Variants in SAMSN1 observed in about 807,000 individuals in gnomAD.
The protein encoded by SAMSN1 is SAM domain-containing protein SAMSN-1.
In SAMSN1, 31 loss-of-function variants were observed where a neutral mutation model predicts 42.0. That is an observed-to-expected ratio of 0.74 (90% confidence interval 0.55 to 1.00). SAMSN1 has a LOEUF of 1.00. SAMSN1 is among the 50% of genes least tolerant of loss of function. SAMSN1 has a pLI of 0.00. For synonymous variants in SAMSN1, 178 were observed against 151.9 expected (o/e 1.17, Z -1.26); for missense variants, 464 against 439.4 (o/e 1.06, Z -0.50).
At chr21:14,527,374 C>G (rs770449720) in intron 1 of SAMSN1, among the ~76,000 whole-genome samples, 1 of 152,142 alleles carries the variant, frequency 6.6e-6, no homozygotes, top group East Asian at 1.9e-4. Flanking sequence ...TCACGTGGTA[C>G]CAGTGGAATA....
intron 3 of SAMSN1, among the ~76,000 whole-genome samples, chr21:14,615,512 A>G (rs1982812750): frequency 1.3e-5 from 2 of 152,266 alleles, no homozygotes; most frequent in South Asian, 4.1e-4. Flanking sequence ...ATTCGTGCTT[A>G]TCAATTAAAA....
upstream of SAMSN1, among the ~76,000 whole-genome samples, chr21:14,584,760 T>A (rs1981865660): frequency 6.6e-6 from 1 of 152,220 alleles, no homozygotes; most frequent in South Asian, 2.1e-4. Flanking sequence ...ACAAAGACAC[T>A]GCAGTTTTCA....
At chr21:14,644,055 G>A (rs1983658523) in intron 1 of SAMSN1, among the ~76,000 whole-genome samples, 1 of 151,980 alleles carries the variant, frequency 6.6e-6, no homozygotes, top group Admixed American at 6.5e-5. Flanking sequence ...CAGGGCTGCA[G>A]CACTCTGTGT....
At chr21:14,628,981 C>G (rs1983252315) in intron 2 of SAMSN1, among the ~76,000 whole-genome samples, 5 of 152,138 alleles carry the variant, frequency 3.3e-5, no homozygotes, top group Admixed American at 3.3e-4. Context: ...TGCCTAAGCT[C>G]ACACAACTAG....
chr21:14,597,858 C>A (rs1982316632), intron 6 of SAMSN1: 1 of 152,066 alleles, frequency 6.6e-6, no homozygotes, highest in African/African-American at 2.4e-5. Flanking sequence ...CAGCTCCAGG[C>A]AGGAAAGAGA....
At chr21:14,529,522 T>A (rs1979101570) in intron 1 of SAMSN1, among the ~76,000 whole-genome samples, 1 of 152,214 alleles carries the variant, frequency 6.6e-6, no homozygotes, top group African/African-American at 2.4e-5. Context: ...CATCATGTAA[T>A]TTAACATAAA....
Position 14,593,007 on chromosome 21 carries a change from T to G in SAMSN1, c.465+1006A>C, listed in dbSNP as rs547734892. Reference sequence around the variant, plus strand: ...ATAGCAAGGGCAGATCTCAATAATTTTCTTTTAGGGAACAGAAGTAATATT... The same window carrying G: ...ATAGCAAGGGCAGATCTCAATAATTGTCTTTTAGGGAACAGAAGTAATATT... On this transcript the variant is annotated intron_variant, in intron 7 of 15. Coordinates refer to the SAMSN1 transcript ENST00000647101. Among the ~76,000 whole-genome samples, 4 of 152,132 alleles carry G rather than the reference T, an allele frequency of 2.6e-5. No individual in the cohort carries two copies. In the East Asian group the frequency reaches 7.7e-4, roughly 29 times the overall value.
chr21:14,645,683 C>T (rs1476957098), intron 1 of SAMSN1, among the ~76,000 whole-genome samples: 1 of 152,120 alleles, frequency 6.6e-6, no homozygotes, highest in East Asian at 1.9e-4. Context: ...CACCAGGGAC[C>T]AATCCTGGAG....
At chr21:14,503,931 T>A (rs1298212091) in intron 5 of SAMSN1, among the ~76,000 whole-genome samples, 2 of 152,200 alleles carry the variant, frequency 1.3e-5, no homozygotes, top group East Asian at 3.9e-4. Flanking sequence ...ATCATAAGAC[T>A]CTGTGCAGAC....
chr21:14,634,223 C>T (rs1600976350), intron 2 of SAMSN1, among the ~76,000 whole-genome samples: 1 of 151,340 alleles, frequency 6.6e-6, no homozygotes, highest in South Asian at 2.1e-4. Flanking sequence ...TAGAAGAAAA[C>T]GTAGGCAATA....
At chr21:14,582,016 G>T in intron 2 of SAMSN1, 4 of 944,608 alleles carry the variant, frequency 4.2e-6, no homozygotes, top group Non-Finnish European at 6.1e-6. Context: ...GACAACTCTT[G>T]CTCTGGTAAC....
intron 2 of SAMSN1, among the ~76,000 whole-genome samples, chr21:14,566,346 T>A (rs377102027): frequency 6.6e-6 from 1 of 152,178 alleles, no homozygotes; most frequent in African/African-American, 2.4e-5. Flanking sequence ...ATTAATTTTG[T>A]TACCATTTAA....
intron 1 of SAMSN1, among the ~76,000 whole-genome samples, chr21:14,649,359 C>T (rs1034774420): frequency 5.3e-5 from 8 of 151,512 alleles, no homozygotes; most frequent in Admixed American, 2.0e-4. Context: ...ACCAGCATGG[C>T]ACATGTATAC....
At chr21:14,637,093 C>T (rs908765201) in intron 2 of SAMSN1, among the ~76,000 whole-genome samples, 2 of 152,198 alleles carry the variant, frequency 1.3e-5, no homozygotes, top group Non-Finnish European at 2.9e-5. Context: ...TCCAATATGG[C>T]AGCCATCCAT....
intron 2 of SAMSN1, among the ~76,000 whole-genome samples, chr21:14,556,053 A>G (rs1033356924): frequency 6.6e-6 from 1 of 152,236 alleles, no homozygotes; most frequent in African/African-American, 2.4e-5. Flanking sequence ...TGCAATTAGT[A>G]GAATTTCATG....
At chr21:14,514,460 TA>T (rs1207047044) in intron 3 of SAMSN1, among the ~76,000 whole-genome samples, 2 of 152,082 alleles carry the variant, frequency 1.3e-5, no homozygotes, top group Non-Finnish European at 2.9e-5. Flanking sequence ...GGGGAAAGAA[TA>T]AAAAGAATGG....
intron 1 of SAMSN1, among the ~76,000 whole-genome samples, chr21:14,526,598 C>T (rs940394634): frequency 6.6e-6 from 1 of 152,156 alleles, no homozygotes; most frequent in African/African-American, 2.4e-5. Context: ...TCTTAGTTAT[C>T]GTCTAGCTCT....
chr21:14,531,234 C>G (rs1400277106), intron 1 of SAMSN1, among the ~76,000 whole-genome samples: 1 of 151,910 alleles, frequency 6.6e-6, no homozygotes, highest in Admixed American at 6.6e-5. Flanking sequence ...AACTTAAATA[C>G]CAAATTTATT....
chr21:14,513,756 G>A (rs1987790550), intron 3 of SAMSN1, among the ~76,000 whole-genome samples: 2 of 152,156 alleles, frequency 1.3e-5, no homozygotes, highest in Non-Finnish European at 2.9e-5. Context: ...TAACTTATGT[G>A]AAGCTTTGGA....
Sources: allele counts gnomAD v4.1 joint callset (sites outside exome capture counted in the v4.1 genomes callset), GRCh38; gene constraint gnomAD v4.1.1; transcripts MANE v1.5; gene names NCBI Gene and HGNC (gene_info 2026-07-23, HGNC 2026-07-21).